Variants in ASB3 observed in about 807,000 individuals in gnomAD.
ASB3 encodes the protein ankyrin repeat and SOCS box containing 3.
In ASB3, 41 loss-of-function variants were observed where a neutral mutation model predicts 54.5. That is an observed-to-expected ratio of 0.75 (90% CI 0.59 to 0.98). The LOEUF is 0.98. Ranked by LOEUF, ASB3 falls within the 50% of genes least tolerant of loss-of-function variation. The pLI is 0.00. For synonymous variants in ASB3, 266 were observed against 221.2 expected (o/e 1.20, Z -1.80); for missense variants, 733 against 620.0 (o/e 1.18, Z -1.94).
chr2:53,728,224 G>T (rs909770163), intron 5 of ASB3, among the ~76,000 whole-genome samples: 1 of 152,158 alleles, frequency 6.6e-6, no homozygotes, highest in Non-Finnish European at 1.5e-5. Context: ...AATGCTGAAT[G>T]TGGAAGGGTT....
At chr2:53,784,680 C>A (rs1435417467) in intron 1 of ASB3, among the ~76,000 whole-genome samples, 1 of 152,196 alleles carries the variant, frequency 6.6e-6, no homozygotes, top group East Asian at 1.9e-4. Flanking sequence ...GGCATTCTCC[C>A]TGTGTGTCCA....
rs1289994344 is a variant in ASB3, at chr2:53,734,977, T to C, written c.356-5407A>G. Among the ~76,000 whole-genome samples the C allele has an allele frequency of 2.0e-5, 3 of 148,684 alleles. No individual in the cohort carries two copies. In the East Asian group the frequency reaches 6.0e-4, roughly 30 times the overall value. On this transcript the variant is annotated intron_variant, in intron 3 of 9. Transcript: ENST00000263634. Reference sequence around the variant, plus strand: ...CTCTGTTGCCCAGGCTGGAGTGCAGTGGTGCGATCTTGGCTCACTACAACC... The same window carrying C: ...CTCTGTTGCCCAGGCTGGAGTGCAGCGGTGCGATCTTGGCTCACTACAACC...
At chr2:53,767,628 G>A in intron 1 of ASB3, 2 of 469,202 alleles carry the variant, frequency 4.3e-6, no homozygotes. Flanking sequence ...GTGATTTACG[G>A]ATGCTGCAAA....
chr2:53,688,360 T>A (rs112054522), intron 9 of ASB3, among the ~76,000 whole-genome samples: 4 of 152,194 alleles, frequency 2.6e-5, no homozygotes, highest in African/African-American at 9.7e-5. Context: ...ATCTCAAACA[T>A]GAGCTTTCAA....
chr2:53,752,942 T>C (rs1272534290), intron 2 of ASB3, among the ~76,000 whole-genome samples: 11 of 152,174 alleles, frequency 7.2e-5, no homozygotes, highest in African/African-American at 2.6e-4. Flanking sequence ...GTAGAAAAGA[T>C]GTTCTCCTCC....
intron 9 of ASB3, among the ~76,000 whole-genome samples, chr2:53,675,887 G>C (rs1342461320): frequency 1.3e-5 from 2 of 152,016 alleles, no homozygotes; most frequent in African/African-American, 2.4e-5. Context: ...TCATTGCTTG[G>C]CTTTAACCTG....
At chr2:53,673,867 T>A (rs946062244) in intron 9 of ASB3, among the ~76,000 whole-genome samples, 4 of 152,234 alleles carry the variant, frequency 2.6e-5, no homozygotes, top group African/African-American at 9.6e-5. Context: ...ATCACTGGCC[T>A]AATGAACAAT....
At chr2:53,702,453 A>G (rs1669544056) in intron 7 of ASB3, among the ~76,000 whole-genome samples, 2 of 152,240 alleles carry the variant, frequency 1.3e-5, no homozygotes, top group Admixed American at 1.3e-4. Context: ...ACCTCTGGTT[A>G]AAATATAAAT....
At chr2:53,714,616 T>TTA (rs1670285668) in intron 6 of ASB3, 35 bp from the exon 7 acceptor site, 3 of 1,603,672 alleles carry the variant, frequency 1.9e-6, no homozygotes, top group Non-Finnish European at 2.6e-6. Flanking sequence ...ATTTAGTGTT[T>TTA]GTATATGTGC....
intron 1 of ASB3, among the ~76,000 whole-genome samples, chr2:53,770,780 A>G (rs551758474): frequency 2.0e-5 from 3 of 152,298 alleles, no homozygotes; most frequent in African/African-American, 7.2e-5. Flanking sequence ...TGCCTAGAAC[A>G]CAAGTGGTCT....
chr2:53,734,061 G>A (rs1012893367), intron 3 of ASB3, among the ~76,000 whole-genome samples: 3 of 152,186 alleles, frequency 2.0e-5, no homozygotes, highest in African/African-American at 4.8e-5. Context: ...GCAGTTTTCC[G>A]CCCTGGGTGG....
At chr2:53,671,678 G>A (rs1399861517) in intron 9 of ASB3, among the ~76,000 whole-genome samples, 2 of 151,344 alleles carry the variant, frequency 1.3e-5, no homozygotes, top group Non-Finnish European at 2.9e-5. Flanking sequence ...ATAATTGCTT[G>A]AACCTGGGAG....
At chr2:53,753,461 T>C (rs1274051280) in intron 2 of ASB3, among the ~76,000 whole-genome samples, 1 of 152,148 alleles carries the variant, frequency 6.6e-6, no homozygotes, top group African/African-American at 2.4e-5. Context: ...GACATCAGTA[T>C]GAATTCATGT....
intron 9 of ASB3, among the ~76,000 whole-genome samples, chr2:53,682,971 T>G (rs566382563): frequency 6.6e-6 from 1 of 152,324 alleles, no homozygotes; most frequent in Non-Finnish European, 1.5e-5. Context: ...CTTTCTTTCT[T>G]TCTCTTGTCT....
intron 3 of ASB3, among the ~76,000 whole-genome samples, chr2:53,747,363 T>C (rs1049691394): frequency 1.3e-5 from 2 of 152,088 alleles, no homozygotes; most frequent in East Asian, 1.9e-4. Flanking sequence ...CTGGCCAACA[T>C]GGTGAAACCC....
At chr2:53,750,560 A>G (rs1323295719) in intron 3 of ASB3, among the ~76,000 whole-genome samples, 1 of 152,172 alleles carries the variant, frequency 6.6e-6, no homozygotes, top group African/African-American at 2.4e-5. Context: ...AGATTTTGCA[A>G]CTTTAAATAA....
intron 1 of ASB3, among the ~76,000 whole-genome samples, chr2:53,773,153 A>G (rs1674064504): frequency 6.6e-6 from 1 of 152,214 alleles, no homozygotes; most frequent in African/African-American, 2.4e-5. Flanking sequence ...AGATCTTCAA[A>G]TTGGTAACTT....
At chr2:53,735,380 C>T (rs745917300) in intron 3 of ASB3, among the ~76,000 whole-genome samples, 21 of 151,770 alleles carry the variant, frequency 1.4e-4, no homozygotes, top group Non-Finnish European at 2.2e-4. Flanking sequence ...CTATCAGCCC[C>T]TTAAAATCAA....
At chr2:53,716,326 C>G (rs1235265042) in intron 6 of ASB3, among the ~76,000 whole-genome samples, 4 of 152,026 alleles carry the variant, frequency 2.6e-5, no homozygotes, top group Non-Finnish European at 1.5e-5. Flanking sequence ...GTCAACACCC[C>G]GAGAAAGTCC....
Sources: gnomAD v4.1 joint callset for allele counts (sites outside exome capture counted in the v4.1 genomes callset) on GRCh38, gnomAD v4.1.1 for gene constraint, MANE v1.5 for transcripts, NCBI Gene and HGNC (gene_info 2026-07-23, HGNC 2026-07-21) for gene names.